The following DLGAP2 variants were observed in gnomAD, a reference collection of about 807,000 sequenced individuals.
The protein encoded by DLGAP2 is DLG associated protein 2.
In DLGAP2, 26 loss-of-function variants were observed where a neutral mutation model predicts 100.3. That is an observed-to-expected ratio of 0.26 (90% confidence interval 0.19 to 0.36). The LOEUF (loss-of-function observed/expected upper bound fraction) is 0.36. Ranked by LOEUF, DLGAP2 falls within the 10% of genes least tolerant of loss-of-function variation. The pLI is 1.00. For synonymous variants in DLGAP2, 886 were observed against 630.1 expected (o/e 1.41, Z -6.08); for missense variants, 1,858 against 1,453.2 (o/e 1.28, Z -4.53).
intron 2 of DLGAP2, among the ~76,000 whole-genome samples, chr8:1,054,368 G>C (rs935886724): frequency 6.6e-6 from 1 of 152,106 alleles, no homozygotes; most frequent in Non-Finnish European, 1.5e-5. Flanking sequence ...CCCTGTTTCA[G>C]TGTCCGTATT....
chr8:941,623 C>G (rs1288165712), intron 2 of DLGAP2, among the ~76,000 whole-genome samples: 1 of 152,174 alleles, frequency 6.6e-6, no homozygotes, highest in East Asian at 1.9e-4. Context: ...ATCTAATTCT[C>G]AGGAAGTGTG....
intron 1 of DLGAP2, among the ~76,000 whole-genome samples, chr8:826,346 T>C (rs1796684973): frequency 1.3e-5 from 2 of 152,196 alleles, no homozygotes; most frequent in Admixed American, 6.6e-5. Context: ...GTTTTATTGA[T>C]TTTCATTGTT....
chr8:940,321 C>T (rs1799165771), intron 2 of DLGAP2, among the ~76,000 whole-genome samples: 4 of 151,544 alleles, frequency 2.6e-5, no homozygotes, highest in Admixed American at 2.6e-4. Context: ...ATGAGGTGGT[C>T]CTGTGAGGTT....
At chr8:1,268,586 A>G (rs1337768394) in intron 3 of DLGAP2, among the ~76,000 whole-genome samples, 6 of 152,148 alleles carry the variant, frequency 3.9e-5, no homozygotes, top group African/African-American at 1.4e-4. Context: ...CCAATTTAAC[A>G]TCTTTCCGCT....
At chr8:1,502,039 C>G (rs1330387760) in intron 4 of DLGAP2, among the ~76,000 whole-genome samples, 1 of 152,252 alleles carries the variant, frequency 6.6e-6, no homozygotes, top group African/African-American at 2.4e-5. Context: ...CCCAATGCTT[C>G]TGTTAAAGAT....
In DLGAP2 at chr8:1,409,963, A is replaced by C. The variant is rs77959306; in HGVS notation, c.107-91403A>C. On this transcript the variant is annotated intron_variant, in intron 3 of 14. Transcript: ENST00000637795. ...CATATGATCCAGTTCCGAAAATAAA[A>C]CCCCCTCTTATGTGTCTGTGTGTCC... 3.5e-3 allele frequency among the ~76,000 whole-genome samples: 532 copies of C among 151,378 alleles called. 8 individuals are homozygous for C. In the East Asian group the frequency reaches 0.047, roughly 13 times the overall value.
chr8:1,431,682 G>A (rs575082194), intron 3 of DLGAP2, among the ~76,000 whole-genome samples: 15 of 152,300 alleles, frequency 9.8e-5, no homozygotes, highest in African/African-American at 3.4e-4. Context: ...CTTTCAGTCC[G>A]ACTGCGGAGT....
At chr8:1,381,489 C>T (rs922463255) in intron 3 of DLGAP2, 2 of 152,244 alleles carry the variant, frequency 1.3e-5, no homozygotes, top group Non-Finnish European at 2.9e-5. Flanking sequence ...TAAATTAACA[C>T]ACCTGTCCTC....
In DLGAP2 at chr8:1,669,802, C is replaced by G. The variant is rs753090267; in HGVS notation, c.2202+18C>G. 2.6e-6 allele frequency: 2 copies of G among 780,806 alleles called. No homozygotes were observed. The highest frequency in any genetic ancestry group is 2.4e-5 in the East Asian group (1 of 41,252). The allele number at this position is 780,806 out of a possible 1,614,324, so 48.4% of individuals were successfully genotyped here. On this transcript the variant is annotated intron_variant, in intron 10 of 14. Transcript: ENST00000637795. ...GGTCAGATGTAAGTACCGAAATGTG[C>G]TCCAAAGCCGCGTCCGCATGACTTT...
chr8:803,947 G>A (rs536028441), intron 1 of DLGAP2, among the ~76,000 whole-genome samples: 4 of 152,180 alleles, frequency 2.6e-5, no homozygotes, highest in African/African-American at 4.8e-5. Flanking sequence ...AGATGTATCC[G>A]TGAAATACAT....
chr8:750,360 C>A (rs930649765), intron 1 of DLGAP2, among the ~76,000 whole-genome samples: 8 of 152,284 alleles, frequency 5.3e-5, no homozygotes, highest in African/African-American at 1.9e-4. Flanking sequence ...TAAAAAGGAA[C>A]AGAAATGGAT....
chr8:1,291,451 G>A (rs984938233), intron 3 of DLGAP2, among the ~76,000 whole-genome samples: 3 of 152,110 alleles, frequency 2.0e-5, no homozygotes, highest in African/African-American at 2.4e-5. Context: ...TTTGCATGGC[G>A]AGGCAAGAAT....
rs1800466171 is a variant in DLGAP2 at position 1,305,355 on chromosome 8, AT to A, written c.106+46474del. ...GGCTACTGAAGCTATGATCTTCAGCATTATTTTGTTTGGTTTAGATAATTCG... is the reference window on the plus strand; with the variant it reads ...GGCTACTGAAGCTATGATCTTCAGCATATTTTGTTTGGTTTAGATAATTCG... On this transcript the variant is annotated intron_variant, in intron 3 of 14. Coordinates refer to ENST00000637795, the MANE Select transcript of DLGAP2 (RefSeq NM_001346810.2). Among the ~76,000 whole-genome samples the A allele has an allele frequency of 3.9e-5, 6 of 152,292 alleles. 1 individual carries two copies. In the South Asian group the frequency reaches 1.2e-3, roughly 32 times the overall value.
chr8:1,420,212 C>G (rs531124093), intron 3 of DLGAP2, among the ~76,000 whole-genome samples: 1 of 152,136 alleles, frequency 6.6e-6, no homozygotes, highest in Non-Finnish European at 1.5e-5. Context: ...CAGCTTGAGT[C>G]TCTGCATCAG....
rs142516019 is a variant in DLGAP2 at position 1,647,980 on chromosome 8, CA to C, written c.1810+14937del. Among the ~76,000 whole-genome samples the C allele has an allele frequency of 4.2e-3, 647 of 152,332 alleles. 5 individuals are homozygous for C. The highest frequency in any genetic ancestry group is 0.014 in the African/African-American group (566 of 41,566). ...CCTCATCCTGCCCCCAGACAATCCA[CA>C]AACCCACGGTCACAGACGTCGGTCA... On this transcript the variant is annotated intron_variant, in intron 8 of 14. Coordinates refer to ENST00000637795, the MANE Select transcript of DLGAP2 (RefSeq NM_001346810.2).
chr8:1,012,196 C>T (rs2129021143), intron 2 of DLGAP2, among the ~76,000 whole-genome samples: 1 of 152,330 alleles, frequency 6.6e-6, no homozygotes, highest in South Asian at 2.1e-4. Flanking sequence ...TTTTCGTCCT[C>T]ACTCAGGCCT....
chr8:1,571,410 AG>A (rs2130599482), intron 6 of DLGAP2, among the ~76,000 whole-genome samples: 2 of 91,698 alleles, frequency 2.2e-5, no homozygotes, highest in Admixed American at 1.3e-4. Context: ...TGAGATGGAG[AG>A]GAGAGAGGGT....
intron 3 of DLGAP2, among the ~76,000 whole-genome samples, chr8:1,382,903 T>C (rs1796128860): frequency 6.6e-6 from 1 of 152,182 alleles, no homozygotes. Context: ...AAGGGATGTA[T>C]GTATACAAAG....
At chr8:787,416 T>C (rs376301526) in intron 1 of DLGAP2, among the ~76,000 whole-genome samples, 20 of 152,296 alleles carry the variant, frequency 1.3e-4, no homozygotes, top group African/African-American at 4.1e-4. Context: ...CTAAAAAATA[T>C]CTTCTAACTT....
Sources: gnomAD v4.1 joint callset for allele counts (sites outside exome capture counted in the v4.1 genomes callset) on GRCh38, gnomAD v4.1.1 for gene constraint, MANE v1.5 for transcripts, NCBI Gene and HGNC (gene_info 2026-07-23, HGNC 2026-07-21) for gene names.